Variants in GOPC observed in about 807,000 individuals in gnomAD.
The protein encoded by GOPC is Golgi-associated PDZ and coiled-coil motif-containing protein.
GOPC carries 32 observed loss-of-function variants against 51.2 expected under a neutral mutation model. The ratio of observed to expected loss-of-function variants is 0.63; its 90% CI spans 0.47 to 0.84. The LOEUF (loss-of-function observed/expected upper bound fraction) is 0.84. Among genes scored for constraint, GOPC ranks in the 40% least tolerant of loss-of-function variants. The pLI is 0.00. For synonymous variants in GOPC, 190 were observed against 205.1 expected (o/e 0.93, Z 0.63); for missense variants, 441 against 555.5 (o/e 0.79, Z 2.07).
rs959566990 is a variant in GOPC, at chr6:117,560,420, A to C, written c.*2834T>G. On this transcript the variant is annotated 3_prime_UTR_variant, in exon 9 of 9. Transcript: ENST00000368498. The stretch of plus-strand genomic sequence containing the variant: ...TCATAAATGCAATAGATTTGAGGCC[A>C]ACCATAAGTGTAAGACTGGATAGAT... The C allele has an allele frequency of 5.3e-6, 1 of 188,758 alleles. No individual in the cohort carries two copies. The highest frequency in any genetic ancestry group is 2.3e-5 in the African/African-American group (1 of 42,842). 11.7% of individuals were successfully genotyped at this position (188,758 alleles called of 1,614,324 possible).
At chr6:117,596,902 GT>G in intron 1 of GOPC, among the ~76,000 whole-genome samples, 1 of 152,100 alleles carries the variant, frequency 6.6e-6, no homozygotes, top group East Asian at 1.9e-4. Flanking sequence ...TTTTAGGATT[GT>G]TTTTTCTAGT....
At chr6:117,601,760 A>G (rs1055011031) in intron 1 of GOPC, among the ~76,000 whole-genome samples, 1 of 152,134 alleles carries the variant, frequency 6.6e-6, no homozygotes, top group Non-Finnish European at 1.5e-5. Flanking sequence ...TGGTGTATGT[A>G]ATTAGTTTCC....
intron 8 of GOPC, among the ~76,000 whole-genome samples, chr6:117,565,046 C>T (rs571932604): frequency 6.6e-6 from 1 of 152,068 alleles, no homozygotes; most frequent in South Asian, 2.1e-4. Context: ...CTGATGTTTC[C>T]CATATTAGTA....
intron 1 of GOPC, among the ~76,000 whole-genome samples, chr6:117,601,245 T>G (rs920232458): frequency 2.0e-5 from 3 of 152,212 alleles, no homozygotes; most frequent in Non-Finnish European, 4.4e-5. Context: ...CAATATGATA[T>G]TTTTGTTTTT....
At chr6:117,564,136 T>A (rs778608360) in intron 8 of GOPC, among the ~76,000 whole-genome samples, 23 of 152,038 alleles carry the variant, frequency 1.5e-4, no homozygotes, top group Non-Finnish European at 2.6e-4. Context: ...TGCCACCATG[T>A]CCAGCTATAT....
intron 3 of GOPC, among the ~76,000 whole-genome samples, chr6:117,575,951 AT>A (rs1779876253): frequency 6.6e-6 from 1 of 152,144 alleles, no homozygotes; most frequent in Non-Finnish European, 1.5e-5. Context: ...TTTCTATTGT[AT>A]GGGCACTGAT....
intron 1 of GOPC, among the ~76,000 whole-genome samples, chr6:117,601,271 TCCACCCTCAC>T (rs1317863227): frequency 2.0e-5 from 3 of 152,152 alleles, no homozygotes; most frequent in Admixed American, 2.0e-4. Flanking sequence ...CCACAGCCAC[TCCACCCTCAC>T]CCACACCCAG....
intron 5 of GOPC, among the ~76,000 whole-genome samples, chr6:117,571,940 C>T (rs1379726944): frequency 6.6e-6 from 1 of 152,082 alleles, no homozygotes; most frequent in Non-Finnish European, 1.5e-5. Flanking sequence ...TCTCCCACTC[C>T]ATAAGTTTCT....
rs35581241 is a variant in GOPC, at chr6:117,581,464, G to GA, written c.286-2401dup. 2.9e-4 allele frequency among the ~76,000 whole-genome samples: 42 copies of GA among 146,046 alleles called. 1 individual carries two copies. The highest frequency in any genetic ancestry group is 1.1e-3 in the South Asian group (5 of 4,594). Reference sequence around the variant, plus strand: ...CCTATTTAACTATCACTCAGATCTTGAAAAAAAAAAAAAGGGCAGTGCTAG... The same window carrying GA: ...CCTATTTAACTATCACTCAGATCTTGAAAAAAAAAAAAAAGGGCAGTGCTAG... On this transcript the variant is annotated intron_variant, in intron 1 of 8. Transcript: ENST00000368498.
Position 117,570,918 on chromosome 6 carries a change from G to A in GOPC, c.854C>T (p.Pro285Leu). ...CTTAAGGAGGAGAACTTTTCTAATT[G>A]GACCAACACCTTGGCTTTTCTTTAG... The part of the protein sequence containing the change: ...DSLKKSQGVG[P>L]IRKVLLLKED... The change falls in exon 6 of 9, where the codon CCA (proline) becomes CTA (leucine). Residue 285 changes from proline (P) to leucine (L), a missense_variant. Physicochemically the swap from Pro to Leu is moderately conservative, Grantham distance 98. Coordinates refer to ENST00000368498, the MANE Select transcript of GOPC (RefSeq NM_020399.4). 4 of 1,596,674 alleles carry A rather than the reference G, an allele frequency of 2.5e-6. No individual in the cohort carries two copies. The highest frequency in any genetic ancestry group is 3.4e-6 in the Non-Finnish European group (4 of 1,168,686).
intron 1 of GOPC, among the ~76,000 whole-genome samples, chr6:117,587,803 C>A (rs1780055524): frequency 6.6e-6 from 1 of 151,906 alleles, no homozygotes; most frequent in African/African-American, 2.4e-5. Context: ...GCAGTGGCAC[C>A]AAGCTCCATC....
At chr6:117,563,712 ACT>A (rs980561476) in intron 8 of GOPC, among the ~76,000 whole-genome samples, 4 of 151,584 alleles carry the variant, frequency 2.6e-5, no homozygotes, top group Non-Finnish European at 5.9e-5. Flanking sequence ...ACAGAGTGAA[ACT>A]CTGTCTCGAT....
intron 6 of GOPC, chr6:117,569,980 C>T (rs1041001859): frequency 3.0e-5 from 9 of 299,168 alleles, no homozygotes; most frequent in African/African-American, 4.3e-5. Flanking sequence ...AGCACCATTA[C>T]ATTTTATCAA....
In GOPC at chr6:117,601,996, CG is replaced by C. The variant is rs763294966; in HGVS notation, c.285+7del. 6 of 1,612,894 alleles carry C rather than the reference CG, an allele frequency of 3.7e-6. No individual in the cohort carries two copies. In the East Asian group the frequency reaches 1.3e-4, roughly 36 times the overall value. Reference sequence around the variant, plus strand: ...TGGATGCCATAGCCGCCAGCACCCACGGCTCACCTCCAGCTTGTGGTTGATT... The same window carrying C: ...TGGATGCCATAGCCGCCAGCACCCACGCTCACCTCCAGCTTGTGGTTGATT... On this transcript the variant is annotated splice_region_variant and intron_variant, in intron 1 of 8. Coordinates refer to ENST00000368498, the MANE Select transcript of GOPC (RefSeq NM_020399.4).
intron 7 of GOPC, among the ~76,000 whole-genome samples, 184 bp from the exon 8 acceptor site, chr6:117,567,218 G>A (rs962162899): frequency 2.6e-5 from 4 of 152,150 alleles, no homozygotes; most frequent in African/African-American, 7.2e-5. Flanking sequence ...GATCAGCCTC[G>A]TGAATCCTCT....
chr6:117,573,118 G>T (rs1311017278), intron 5 of GOPC, among the ~76,000 whole-genome samples: 2 of 152,058 alleles, frequency 1.3e-5, no homozygotes, highest in African/African-American at 2.4e-5. Flanking sequence ...CAAAATATCT[G>T]CCAAATTATC....
At chr6:117,594,321 A>G (rs1780161753) in intron 1 of GOPC, among the ~76,000 whole-genome samples, 1 of 152,156 alleles carries the variant, frequency 6.6e-6, no homozygotes, top group South Asian at 2.1e-4. Context: ...TCTTAGCTTA[A>G]TTCATTCCTA....
chr6:117,568,580 T>C (rs1350682499), intron 7 of GOPC, among the ~76,000 whole-genome samples: 1 of 152,214 alleles, frequency 6.6e-6, no homozygotes, highest in African/African-American at 2.4e-5. Flanking sequence ...CATTCTTAGA[T>C]CTCTCTTGTC....
At chr6:117,583,277 G>GT (rs1484367704) in intron 1 of GOPC, among the ~76,000 whole-genome samples, 5 of 152,208 alleles carry the variant, frequency 3.3e-5, no homozygotes, top group Admixed American at 3.3e-4. Context: ...CACCCCTGTC[G>GT]TGAGTACCAT....
Sources: gnomAD v4.1 joint callset for allele counts (sites outside exome capture counted in the v4.1 genomes callset) on GRCh38, gnomAD v4.1.1 for gene constraint, MANE v1.5 for transcripts, NCBI Gene and HGNC (gene_info 2026-07-23, HGNC 2026-07-21) for gene names.